The following LHFPL3 variants were observed in gnomAD, a reference collection of about 807,000 sequenced individuals.
The protein encoded by LHFPL3 is LHFPL tetraspan subfamily member 3 protein.
A neutral mutation model predicts 19.3 loss-of-function variants in LHFPL3; 5 were observed. The ratio of observed to expected loss-of-function variants is 0.26; its 90% CI spans 0.14 to 0.54. The LOEUF (loss-of-function observed/expected upper bound fraction) is 0.54, where lower values mean the gene tolerates loss of function less well. Among genes scored for constraint, LHFPL3 ranks in the 20% least tolerant of loss-of-function variants. LHFPL3 has a pLI of 0.94. For synonymous variants in LHFPL3, 133 were observed against 126.2 expected (o/e 1.05, Z -0.36); for missense variants, 249 against 307.4 (o/e 0.81, Z 1.42).
intron 1 of LHFPL3, among the ~76,000 whole-genome samples, chr7:104,402,080 G>A (rs548663450): frequency 2.7e-5 from 4 of 147,704 alleles, no homozygotes; most frequent in Admixed American, 6.7e-5. Flanking sequence ...AGAAATAACC[G>A]TATAAACTAA....
At chr7:104,450,400 C>T (rs749580805) in intron 1 of LHFPL3, among the ~76,000 whole-genome samples, 1 of 152,088 alleles carries the variant, frequency 6.6e-6, no homozygotes, top group African/African-American at 2.4e-5. Context: ...TGTATATGTA[C>T]CACATTTTCT....
chr7:104,668,659 G>A lies in LHFPL3; in HGVS notation c.446-68016G>A, dbSNP rs543788222. 4.5e-5 allele frequency: 72 copies of A among 1,612,114 alleles called. No individual in the cohort carries two copies. The South Asian group carries it at 6.8e-4, about 15-fold the overall frequency. ...GACCAATATGACAGACGGGATGATC[G>A]GTCGTGGAGCTCCAGAGATGATTAC... On this transcript the variant is annotated intron_variant, in intron 1 of 2. Transcript: ENST00000424859.
intron 1 of LHFPL3, among the ~76,000 whole-genome samples, chr7:104,527,767 A>C (rs909890489): frequency 6.6e-6 from 1 of 152,176 alleles, no homozygotes; most frequent in African/African-American, 2.4e-5. Context: ...CATGCAGTCC[A>C]CTTTGCCTTC....
At chr7:104,747,299 G>A (rs987437111) in intron 2 of LHFPL3, among the ~76,000 whole-genome samples, 21 of 152,154 alleles carry the variant, frequency 1.4e-4, no homozygotes, top group Non-Finnish European at 2.8e-4. Flanking sequence ...GAATTCCCTC[G>A]TTGTATTGAT....
chr7:104,328,608 C>T lies in LHFPL3; in HGVS notation c.-172C>T, dbSNP rs987923434. On this transcript the variant is annotated 5_prime_UTR_variant, in exon 1 of 3. Transcript: ENST00000424859. The surrounding 1 kb of genome is among the most constrained non-coding windows in gnomAD (Gnocchi z 4.6). Reference sequence around the variant, plus strand: ...GAGCCGGAGGGGTGCTCCGCGCTCCCCCGCCCTCCTTCCGGGAGCGAGGAT... The same window carrying T: ...GAGCCGGAGGGGTGCTCCGCGCTCCTCCGCCCTCCTTCCGGGAGCGAGGAT... The T allele has an allele frequency of 4.5e-5, 29 of 642,198 alleles. No individual in the cohort carries two copies. The highest frequency in any genetic ancestry group is 4.4e-4 in the African/African-American group (24 of 54,808). The allele number at this position is 642,198 out of a possible 1,614,324, so 39.8% of individuals were successfully genotyped here. A position where few individuals can be genotyped will look rare whatever the true frequency, so the allele number is the denominator to read the frequency against.
At chr7:104,837,410 T>C (rs545759251) in intron 2 of LHFPL3, among the ~76,000 whole-genome samples, 1 of 152,274 alleles carries the variant, frequency 6.6e-6, no homozygotes, top group South Asian at 2.1e-4. Flanking sequence ...CTTAAGTAGG[T>C]TTATCTTCCG....
chr7:104,568,572 A>T (rs1284568564), intron 1 of LHFPL3, among the ~76,000 whole-genome samples: 1 of 152,176 alleles, frequency 6.6e-6, no homozygotes, highest in Non-Finnish European at 1.5e-5. Context: ...TCTTTCCATT[A>T]TCCCAGAAAG....
intron 1 of LHFPL3, among the ~76,000 whole-genome samples, chr7:104,605,880 A>AAC (rs1554413786): frequency 6.6e-6 from 1 of 151,486 alleles, no homozygotes; most frequent in Non-Finnish European, 1.5e-5. Flanking sequence ...TGAAAAAAAA[A>AAC]AACAACAAGA....
At chr7:104,440,673 G>A (rs1792207697) in intron 1 of LHFPL3, among the ~76,000 whole-genome samples, 1 of 152,042 alleles carries the variant, frequency 6.6e-6, no homozygotes, top group Non-Finnish European at 1.5e-5. Context: ...TACTCAAACA[G>A]CAATTTATAT....
chr7:104,369,622 G>A (rs1790572676), intron 1 of LHFPL3, among the ~76,000 whole-genome samples: 1 of 152,176 alleles, frequency 6.6e-6, no homozygotes, highest in Non-Finnish European at 1.5e-5. Context: ...TTCTGGAGTG[G>A]GTGTACAATT....
intron 2 of LHFPL3, among the ~76,000 whole-genome samples, chr7:104,766,808 T>A (rs1367896445): frequency 6.6e-6 from 1 of 152,190 alleles, no homozygotes; most frequent in Admixed American, 6.5e-5. Flanking sequence ...TTCTCGTAAT[T>A]TCCTATTCTC....
chr7:104,386,000 A>G (rs1389736852), intron 1 of LHFPL3, among the ~76,000 whole-genome samples: 1 of 152,112 alleles, frequency 6.6e-6, no homozygotes, highest in Non-Finnish European at 1.5e-5. Context: ...CCAAAGGCTT[A>G]CAAAAATGTA....
intron 1 of LHFPL3, among the ~76,000 whole-genome samples, chr7:104,527,033 C>T (rs576177613): frequency 6.6e-6 from 1 of 152,234 alleles, no homozygotes; most frequent in East Asian, 1.9e-4. Flanking sequence ...CAGGGAAGAC[C>T]ATTCCAAGAA....
At chr7:104,864,641 G>A (rs1791685903) in intron 2 of LHFPL3, among the ~76,000 whole-genome samples, 1 of 152,240 alleles carries the variant, frequency 6.6e-6, no homozygotes. Flanking sequence ...AGGCCTGCCT[G>A]CCTCTGTAGA....
intron 2 of LHFPL3, among the ~76,000 whole-genome samples, chr7:104,893,005 A>G (rs1412188388): frequency 6.6e-6 from 1 of 152,106 alleles, no homozygotes; most frequent in African/African-American, 2.4e-5. Flanking sequence ...CAGGATTTCA[A>G]GACCAGCCTG....
At chr7:104,566,535 T>G (rs1790129115) in intron 1 of LHFPL3, among the ~76,000 whole-genome samples, 1 of 151,946 alleles carries the variant, frequency 6.6e-6, no homozygotes, top group African/African-American at 2.4e-5. Context: ...AAATGATGGG[T>G]TTTCACATAA....
intron 1 of LHFPL3, among the ~76,000 whole-genome samples, chr7:104,531,800 T>G (rs1274664008): frequency 1.3e-5 from 2 of 152,192 alleles, no homozygotes; most frequent in Non-Finnish European, 2.9e-5. Flanking sequence ...TTTGGTGGGT[T>G]ATAACCTCAT....
intron 1 of LHFPL3, among the ~76,000 whole-genome samples, chr7:104,572,648 G>C (rs1790250692): frequency 6.6e-6 from 1 of 152,126 alleles, no homozygotes; most frequent in Admixed American, 6.5e-5. Context: ...AGAGCCAAAG[G>C]TTCTATAGTA....
intron 1 of LHFPL3, among the ~76,000 whole-genome samples, chr7:104,624,322 C>A (rs1312529166): frequency 6.6e-6 from 1 of 152,190 alleles, no homozygotes; most frequent in African/African-American, 2.4e-5. Context: ...TCAGAGGCTT[C>A]CTCTAATTCA....
Sources: allele counts gnomAD v4.1 joint callset (sites outside exome capture counted in the v4.1 genomes callset), GRCh38; gene constraint gnomAD v4.1.1; non-coding constraint Gnocchi (gnomAD v3.1); transcripts MANE v1.5; gene names NCBI Gene and HGNC (gene_info 2026-07-23, HGNC 2026-07-21).